The following LAMA2 variants were observed in gnomAD, a reference collection of about 807,000 sequenced individuals.
The protein encoded by LAMA2 is laminin subunit alpha 2, also known as laminin subunit alpha-2.
A neutral mutation model predicts 364.8 loss-of-function variants in LAMA2; 269 were observed. That is an observed-to-expected ratio of 0.74 (90% CI 0.67 to 0.82). The LOEUF is 0.82. LAMA2 is among the 40% of genes least tolerant of loss of function. LAMA2 has a pLI of 0.00. For missense variants in LAMA2, 3,807 were observed against 3,873.2 expected (o/e 0.98, Z 0.45); for synonymous variants, 1,379 against 1,370.6 (o/e 1.01, Z -0.14).
intron 1 of LAMA2, among the ~76,000 whole-genome samples, chr6:128,916,924 G>A (rs1370178881): frequency 6.6e-6 from 1 of 152,224 alleles, no homozygotes; most frequent in Non-Finnish European, 1.5e-5. Flanking sequence ...ATGGGATGGA[G>A]TTTGGTGAAG....
chr6:129,025,003 T>G (rs1346342757), intron 1 of LAMA2, among the ~76,000 whole-genome samples: 2 of 152,176 alleles, frequency 1.3e-5, no homozygotes, highest in African/African-American at 4.8e-5. Context: ...TATTTTTACC[T>G]CAGAAAATTT....
chr6:129,034,041 C>A (rs185433584), intron 1 of LAMA2, among the ~76,000 whole-genome samples: 6 of 151,934 alleles, frequency 3.9e-5, no homozygotes, highest in African/African-American at 1.5e-4. Flanking sequence ...ATTGTAAAGA[C>A]TGAAAATGAT....
chr6:129,250,349 G>T (rs1786089128), intron 13 of LAMA2, 136 bp downstream of exon 13: 9 of 674,934 alleles, frequency 1.3e-5, no homozygotes, highest in Admixed American at 1.3e-4. Context: ...GGAGATTTTT[G>T]TGCCACTCTT....
At chr6:129,096,626 C>T (rs1435951867) in intron 3 of LAMA2, among the ~76,000 whole-genome samples, 1 of 152,186 alleles carries the variant, frequency 6.6e-6, no homozygotes, top group Non-Finnish European at 1.5e-5. Flanking sequence ...GGACAAATAT[C>T]TTGGCTGTCC....
chr6:129,428,400 C>G lies in LAMA2; in HGVS notation c.5968+546C>G, dbSNP rs555231123. Among the ~76,000 whole-genome samples, 3 of 152,330 alleles carry G rather than the reference C, an allele frequency of 2.0e-5. No individual in the cohort carries two copies. In the East Asian group the frequency reaches 5.8e-4, roughly 29 times the overall value. On this transcript the variant is annotated intron_variant, in intron 41 of 64. Transcript: ENST00000421865. ...CGTGAGTTGTGATCACACTACTGTA[C>G]ACCAGCCTGGGTAACAGAGTAAGAT...
intron 37 of LAMA2, among the ~76,000 whole-genome samples, chr6:129,398,444 T>A (rs1004301645): frequency 2.6e-5 from 4 of 151,586 alleles, no homozygotes; most frequent in Non-Finnish European, 1.5e-5. Flanking sequence ...GGAATGGACT[T>A]CATTTTCTTT....
intron 12 of LAMA2, among the ~76,000 whole-genome samples, chr6:129,233,532 A>G (rs1407510373): frequency 6.6e-6 from 1 of 152,184 alleles, no homozygotes; most frequent in African/African-American, 2.4e-5. Flanking sequence ...GGAAGATAAA[A>G]TATATTTGTG....
chr6:129,040,894 T>A (rs2114754174), intron 1 of LAMA2, among the ~76,000 whole-genome samples: 1 of 152,148 alleles, frequency 6.6e-6, no homozygotes, highest in Non-Finnish European at 1.5e-5. Context: ...AGCCCATGAG[T>A]GTGTTTACAG....
chr6:129,442,182 T>C, intron 43 of LAMA2: 2 of 1,315,664 alleles, frequency 1.5e-6, no homozygotes, highest in Non-Finnish European at 2.0e-6. Flanking sequence ...CAAATGCTGT[T>C]TGAGTGGGGA....
intron 1 of LAMA2, among the ~76,000 whole-genome samples, chr6:128,971,599 C>T (rs937076936): frequency 3.3e-5 from 5 of 152,048 alleles, no homozygotes; most frequent in African/African-American, 1.2e-4. Flanking sequence ...AGAAGCAGAG[C>T]CAGCAGCAGA....
chr6:128,947,107 T>G (rs1780528362), intron 1 of LAMA2, among the ~76,000 whole-genome samples: 1 of 152,226 alleles, frequency 6.6e-6, no homozygotes, highest in South Asian at 2.1e-4. Context: ...TATTCATTGG[T>G]TCACTAAGCC....
At chr6:129,006,398 C>T (rs917397175) in intron 1 of LAMA2, among the ~76,000 whole-genome samples, 2 of 152,040 alleles carry the variant, frequency 1.3e-5, no homozygotes, top group East Asian at 3.9e-4. Flanking sequence ...TTCTTTTACC[C>T]GATTCAAACA....
chr6:129,274,565 A>G (rs1788171798), intron 17 of LAMA2, among the ~76,000 whole-genome samples: 2 of 152,008 alleles, frequency 1.3e-5, no homozygotes, highest in South Asian at 4.1e-4. Context: ...TTCTTAGATA[A>G]TATTGCTAAA....
chr6:129,140,231 G>A (rs1442699685), intron 4 of LAMA2, among the ~76,000 whole-genome samples: 1 of 151,996 alleles, frequency 6.6e-6, no homozygotes, highest in East Asian at 1.9e-4. Flanking sequence ...TTACTAATCT[G>A]TAAAGCAAAC....
chr6:129,019,674 A>T (rs192002336), intron 1 of LAMA2, among the ~76,000 whole-genome samples: 3 of 151,970 alleles, frequency 2.0e-5, no homozygotes, highest in African/African-American at 7.3e-5. Flanking sequence ...TTTAATGTTG[A>T]TTCTTCTTTT....
chr6:128,886,046 CAT>C (rs1776132635), intron 1 of LAMA2, among the ~76,000 whole-genome samples: 1 of 152,136 alleles, frequency 6.6e-6, no homozygotes, highest in Non-Finnish European at 1.5e-5. Context: ...AAGAATATTG[CAT>C]AGTGGATTAA....
Position 129,489,497 on chromosome 6 carries a change from C to T in LAMA2, c.7899-2404C>T, listed in dbSNP as rs558976042. On this transcript the variant is annotated intron_variant, in intron 56 of 64. Transcript: ENST00000421865. ...CCGCCTTGGTGGCCAGCAGTTCTTA[C>T]TGGACAAAAACATCAAACCCTAAGA... is the stretch of plus-strand genomic sequence containing the variant. Among the ~76,000 whole-genome samples the T allele has an allele frequency of 2.0e-5, 3 of 152,304 alleles. No homozygotes were observed. The South Asian group carries it at 6.2e-4, about 32-fold the overall frequency.
chr6:129,107,939 A>T (rs948103192), intron 4 of LAMA2, among the ~76,000 whole-genome samples: 1 of 152,132 alleles, frequency 6.6e-6, no homozygotes, highest in Non-Finnish European at 1.5e-5. Context: ...TTCCTGCTGA[A>T]GCTCTATGTG....
chr6:129,284,778 C>T (rs1019268792), intron 18 of LAMA2, among the ~76,000 whole-genome samples: 1 of 152,182 alleles, frequency 6.6e-6, no homozygotes, highest in South Asian at 2.1e-4. Flanking sequence ...CTCCCTCCCT[C>T]CCTCTAACAT....
Sources: allele counts gnomAD v4.1 joint callset (sites outside exome capture counted in the v4.1 genomes callset), GRCh38; gene constraint gnomAD v4.1.1; transcripts MANE v1.5; gene names NCBI Gene and HGNC (gene_info 2026-07-23, HGNC 2026-07-21).